The following MAF variants were observed in gnomAD, a reference collection of about 807,000 sequenced individuals.
MAF encodes the protein MAF bZIP transcription factor, also known as transcription factor Maf.
A neutral mutation model predicts 22.0 loss-of-function variants in MAF; 10 were observed. The observed-to-expected ratio is 0.45, with a 90% CI of 0.28 to 0.77. The LOEUF (loss-of-function observed/expected upper bound fraction) is 0.77. Ranked by LOEUF, MAF falls within the 30% of genes least tolerant of loss-of-function variation. The pLI, the probability that MAF is intolerant of heterozygous loss-of-function variation, is 0.12. For missense variants in MAF, 544 were observed against 548.4 expected, an observed-to-expected ratio of 0.99 and a Z score of 0.08; for synonymous variants, 337 against 255.8, an observed-to-expected ratio of 1.32 and a Z score of -3.03.
At chr16:79,521,969 C>G in the MAF span, among the ~76,000 whole-genome samples, 1 of 152,156 alleles carries the variant, frequency 6.6e-6, no homozygotes, top group African/African-American at 2.4e-5. Context: ...AGATCGACTT[C>G]TCATTGAAGA....
chr16:79,232,684 C>G, the MAF span, among the ~76,000 whole-genome samples: 1 of 151,898 alleles, frequency 6.6e-6, no homozygotes, highest in East Asian at 1.9e-4. Flanking sequence ...ATCTGGGGTT[C>G]TTTGTTCTCC....
the MAF span, among the ~76,000 whole-genome samples, chr16:79,560,540 A>G: frequency 6.6e-6 from 1 of 152,116 alleles, no homozygotes; most frequent in Admixed American, 6.5e-5. Context: ...TGACTACTTC[A>G]AGCTAAAGGC....
At chr16:79,594,769 T>C in intron 1 of MAF, 12 of 1,347,926 alleles carry the variant, frequency 8.9e-6, no homozygotes, top group South Asian at 6.8e-5. Flanking sequence ...TTTTCAGTAA[T>C]TGTTATTTCT....
the MAF span, among the ~76,000 whole-genome samples, chr16:79,543,771 C>T: frequency 6.6e-6 from 1 of 151,524 alleles, no homozygotes; most frequent in Non-Finnish European, 1.5e-5. Flanking sequence ...ACTGCAAGCT[C>T]CGCCTCCGGG....
chr16:79,274,943 ACT>A, the MAF span, among the ~76,000 whole-genome samples: 2 of 152,120 alleles, frequency 1.3e-5, no homozygotes, highest in Admixed American at 6.6e-5. Flanking sequence ...TGTTGCCTAA[ACT>A]CTCTGAGCTA....
the MAF span, among the ~76,000 whole-genome samples, chr16:79,302,210 A>G: frequency 6.6e-6 from 1 of 152,224 alleles, no homozygotes; most frequent in African/African-American, 2.4e-5. Flanking sequence ...TCAGGACTCC[A>G]TTCTCGAAGA....
At chr16:79,271,850 A>G in the MAF span, among the ~76,000 whole-genome samples, 2 of 152,246 alleles carry the variant, frequency 1.3e-5, no homozygotes, top group South Asian at 4.1e-4. Flanking sequence ...GGAGGTGATG[A>G]GGAAGAAGGT....
At chr16:79,502,802 G>T in the MAF span, among the ~76,000 whole-genome samples, 2 of 140,324 alleles carry the variant, frequency 1.4e-5, no homozygotes, top group Admixed American at 1.5e-4. Context: ...AGTGGTAGGG[G>T]ATTAATTATA....
intron 1 of MAF, chr16:79,597,160 A>G (rs770661144): frequency 3.9e-5 from 41 of 1,056,062 alleles, no homozygotes; most frequent in Non-Finnish European, 4.4e-5. Flanking sequence ...CCCCCTTAAC[A>G]TCACAATAGT....
At chr16:79,570,619 G>T in the MAF span, among the ~76,000 whole-genome samples, 1 of 152,194 alleles carries the variant, frequency 6.6e-6, no homozygotes, top group African/African-American at 2.4e-5. Context: ...GCCGCTAGGT[G>T]TTTAACAACT....
chr16:79,530,285 G>C, the MAF span, among the ~76,000 whole-genome samples: 573 of 152,292 alleles, frequency 3.8e-3, 1 homozygote, highest in African/African-American at 0.013. Flanking sequence ...GTGGTCTCAG[G>C]AGTGGTTCAA....
At chr16:79,569,850 G>A in the MAF span, among the ~76,000 whole-genome samples, 1 of 152,170 alleles carries the variant, frequency 6.6e-6, no homozygotes, top group Non-Finnish European at 1.5e-5. Flanking sequence ...GGCTCTTAGG[G>A]AGGCAGGGGT....
chr16:79,531,287 A>T, the MAF span, among the ~76,000 whole-genome samples: 4 of 152,152 alleles, frequency 2.6e-5, no homozygotes, highest in Non-Finnish European at 5.9e-5. Flanking sequence ...TCTGCATCTC[A>T]TCTCTCTAAA....
the MAF span, among the ~76,000 whole-genome samples, chr16:79,556,241 T>C: frequency 6.6e-6 from 1 of 152,212 alleles, no homozygotes; most frequent in Non-Finnish European, 1.5e-5. Flanking sequence ...CAAATACCAC[T>C]TACTTCCTCA....
chr16:79,245,390 T>C, the MAF span, among the ~76,000 whole-genome samples: 1 of 151,862 alleles, frequency 6.6e-6, no homozygotes, highest in Non-Finnish European at 1.5e-5. Flanking sequence ...CATCAAAAAG[T>C]GGGCAAAGGA....
the MAF span, among the ~76,000 whole-genome samples, chr16:79,411,542 C>T: frequency 6.6e-6 from 1 of 152,192 alleles, no homozygotes; most frequent in Admixed American, 6.5e-5. Flanking sequence ...TCTGTTTGGG[C>T]TTCTTTTCAT....
chr16:79,320,069 G>A, the MAF span, among the ~76,000 whole-genome samples: 57 of 152,286 alleles, frequency 3.7e-4, no homozygotes, highest in Middle Eastern at 0.01. Flanking sequence ...GCAGACAGAA[G>A]GAAGGCCAGT....
chr16:79,310,815 G>A, the MAF span, among the ~76,000 whole-genome samples: 2 of 152,166 alleles, frequency 1.3e-5, no homozygotes, highest in Non-Finnish European at 2.9e-5. Flanking sequence ...AGTAGTCCCT[G>A]GTCGTGTTCC....
chr16:79,515,352 G>A, the MAF span, among the ~76,000 whole-genome samples: 1 of 152,162 alleles, frequency 6.6e-6, no homozygotes, highest in Non-Finnish European at 1.5e-5. Flanking sequence ...CGGTGTGAAA[G>A]TGACACACAT....
Sources: allele counts gnomAD v4.1 joint callset (sites outside exome capture counted in the v4.1 genomes callset), GRCh38; gene constraint gnomAD v4.1.1; transcripts MANE v1.5; gene names NCBI Gene and HGNC (gene_info 2026-07-23, HGNC 2026-07-21).